NKAIN2: variants seen among roughly 807,000 people sequenced by gnomAD.
NKAIN2 encodes the protein sodium/potassium-transporting ATPase subunit beta-1-interacting protein 2.
A neutral mutation model predicts 32.6 loss-of-function variants in NKAIN2; 14 were observed. That is an observed-to-expected ratio of 0.43 (90% CI 0.28 to 0.67). The LOEUF is 0.67. Ranked by LOEUF, NKAIN2 falls within the 30% of genes least tolerant of loss-of-function variation. The pLI is 0.17. For missense variants in NKAIN2, 198 were observed against 258.3 expected, an observed-to-expected ratio of 0.77 and a Z score of 1.60; for synonymous variants, 80 against 87.2, an observed-to-expected ratio of 0.92 and a Z score of 0.46.
At chr6:124,791,108 T>G (rs1397260111) in intron 4 of NKAIN2, among the ~76,000 whole-genome samples, 1 of 152,170 alleles carries the variant, frequency 6.6e-6, no homozygotes, top group African/African-American at 2.4e-5. Flanking sequence ...TTATCAAATC[T>G]TACACATAAA....
chr6:124,164,764 G>T (rs1339425297), intron 1 of NKAIN2, among the ~76,000 whole-genome samples: 1 of 152,028 alleles, frequency 6.6e-6, no homozygotes, highest in Non-Finnish European at 1.5e-5. Context: ...GGAGTGCTGT[G>T]AAAAATTATA....
chr6:124,692,089 A>G (rs893119577), intron 4 of NKAIN2, among the ~76,000 whole-genome samples: 3 of 152,216 alleles, frequency 2.0e-5, no homozygotes, highest in Non-Finnish European at 4.4e-5. Context: ...CACTTCTATT[A>G]TAAAATGTAT....
intron 1 of NKAIN2, among the ~76,000 whole-genome samples, chr6:124,129,792 T>C (rs1786364325): frequency 6.6e-6 from 1 of 152,136 alleles, no homozygotes; most frequent in African/African-American, 2.4e-5. Context: ...TAAGTTTTTG[T>C]ATTTTTAGTA....
At chr6:124,170,752 T>C (rs1788802519) in intron 1 of NKAIN2, among the ~76,000 whole-genome samples, 1 of 152,180 alleles carries the variant, frequency 6.6e-6, no homozygotes, top group South Asian at 2.1e-4. Context: ...ATATGTGTTT[T>C]AGTTCCGTGG....
chr6:124,231,143 G>A (rs936473464), intron 1 of NKAIN2, among the ~76,000 whole-genome samples: 1 of 152,232 alleles, frequency 6.6e-6, no homozygotes, highest in South Asian at 2.1e-4. Flanking sequence ...AAATCATTTT[G>A]GAGCTTTAAG....
intron 4 of NKAIN2, among the ~76,000 whole-genome samples, chr6:124,753,737 C>G (rs906150031): frequency 2.0e-5 from 3 of 151,982 alleles, no homozygotes; most frequent in African/African-American, 7.3e-5. Flanking sequence ...AAGAGTGTGA[C>G]TTCAGAGGAG....
chr6:124,009,933 A>ATGTATATATGTGTGTGTG (rs1780247062), intron 1 of NKAIN2, among the ~76,000 whole-genome samples: 1 of 152,114 alleles, frequency 6.6e-6, no homozygotes, highest in East Asian at 1.9e-4. Context: ...TAATATATGT[A>ATGTATATATGTGTGTGTG]TGTATATATG....
chr6:124,205,629 GCTACTAGATTAA>G (rs1790833824), intron 1 of NKAIN2, among the ~76,000 whole-genome samples: 1 of 150,592 alleles, frequency 6.6e-6, no homozygotes, highest in South Asian at 2.1e-4. Flanking sequence ...CATATTTAGG[GCTACTAGATTAA>G]CTTGTGACTC....
intron 5 of NKAIN2, among the ~76,000 whole-genome samples, chr6:124,805,814 G>T (rs868262174): frequency 6.6e-6 from 1 of 152,194 alleles, no homozygotes; most frequent in Non-Finnish European, 1.5e-5. Context: ...GGAGCTGAAA[G>T]CCAAGGCATG....
At chr6:124,141,836 A>G (rs1050011793) in intron 1 of NKAIN2, among the ~76,000 whole-genome samples, 2 of 152,074 alleles carry the variant, frequency 1.3e-5, no homozygotes, top group Admixed American at 1.3e-4. Flanking sequence ...CTTGAACCCA[A>G]CCTCAGTGCT....
intron 3 of NKAIN2, among the ~76,000 whole-genome samples, chr6:124,443,376 T>A: frequency 6.6e-6 from 1 of 152,092 alleles, no homozygotes; most frequent in African/African-American, 2.4e-5. Flanking sequence ...TAAGAAAAAA[T>A]AATTAACAGT....
At chr6:124,019,768 C>A (rs1780781530) in intron 1 of NKAIN2, among the ~76,000 whole-genome samples, 1 of 151,940 alleles carries the variant, frequency 6.6e-6, no homozygotes, top group Non-Finnish European at 1.5e-5. Context: ...TAAATTAATG[C>A]ATTAGTATTG....
At chr6:124,621,089 T>C (rs947709459) in intron 3 of NKAIN2, among the ~76,000 whole-genome samples, 2 of 152,224 alleles carry the variant, frequency 1.3e-5, no homozygotes, top group East Asian at 1.9e-4. Flanking sequence ...TAGCGAGGCC[T>C]GAGTCTCATT....
rs569124544 is a variant in NKAIN2 at position 123,874,681 on chromosome 6, T to G, written c.54+70427T>G. Among the ~76,000 whole-genome samples the G allele has an allele frequency of 4.6e-5, 7 of 152,220 alleles. No homozygotes were observed. In the South Asian group the frequency reaches 1.0e-3, roughly 23 times the overall value. ...TTATTAAAATGAGATGCAAAAATAT[T>G]ATGTGAAAAAGGGTTCATAAAAATT... On this transcript the variant is annotated intron_variant, in intron 1 of 6. Transcript: ENST00000368417.
At chr6:124,698,368 T>C (rs1774605132) in intron 4 of NKAIN2, among the ~76,000 whole-genome samples, 1 of 152,170 alleles carries the variant, frequency 6.6e-6, no homozygotes, top group South Asian at 2.1e-4. Context: ...AATGTGCAGC[T>C]CCAGGGAAAA....
intron 4 of NKAIN2, among the ~76,000 whole-genome samples, chr6:124,721,540 T>G (rs1256588941): frequency 6.6e-6 from 1 of 152,214 alleles, no homozygotes; most frequent in Non-Finnish European, 1.5e-5. Flanking sequence ...GTTTTACTTG[T>G]GAATTACAAA....
chr6:124,082,349 G>A (rs1321687338), intron 1 of NKAIN2, among the ~76,000 whole-genome samples: 1 of 151,820 alleles, frequency 6.6e-6, no homozygotes, highest in Non-Finnish European at 1.5e-5. Flanking sequence ...TATTAATTAG[G>A]CTTAATATTA....
intron 3 of NKAIN2, among the ~76,000 whole-genome samples, chr6:124,627,314 T>G (rs1032502400): frequency 3.3e-5 from 5 of 152,130 alleles, no homozygotes; most frequent in African/African-American, 9.7e-5. Context: ...TAAGTGTGTT[T>G]AACTATGAGA....
intron 3 of NKAIN2, among the ~76,000 whole-genome samples, chr6:124,364,250 A>AAAAAAAAAAAAAAAGAGAG (rs3054409): frequency 1.4e-5 from 2 of 139,738 alleles, no homozygotes; most frequent in Admixed American, 7.1e-5. Flanking sequence ...AAAAAAAAAA[A>AAAAAAAAAAAAAAAGAGAG]AGAGAGAAAA....
Sources: gnomAD v4.1 joint callset for allele counts (sites outside exome capture counted in the v4.1 genomes callset) on GRCh38, gnomAD v4.1.1 for gene constraint, MANE v1.5 for transcripts, NCBI Gene and HGNC (gene_info 2026-07-23, HGNC 2026-07-21) for gene names.